Variants in SPTLC3 observed in about 807,000 individuals in gnomAD.
SPTLC3 encodes serine palmitoyltransferase long chain base subunit 3.
SPTLC3 carries 36 observed loss-of-function variants against 59.3 expected under a neutral mutation model. The ratio of observed to expected loss-of-function variants is 0.61; its 90% CI spans 0.47 to 0.80. The LOEUF is 0.80. SPTLC3 is among the 30% of genes least tolerant of loss of function. SPTLC3 has a pLI of 0.00. For missense variants in SPTLC3, 625 were observed against 685.1 expected (o/e 0.91, Z 0.98); for synonymous variants, 257 against 240.8 (o/e 1.07, Z -0.62).
At chr20:13,099,147 C>T (rs541941651) in intron 6 of SPTLC3, among the ~76,000 whole-genome samples, 3 of 152,138 alleles carry the variant, frequency 2.0e-5, no homozygotes, top group Admixed American at 6.5e-5. Context: ...AGGTCTAGTG[C>T]AATCATAGGG....
chr20:13,069,220 A>G (rs1988347475), intron 2 of SPTLC3, among the ~76,000 whole-genome samples: 2 of 152,164 alleles, frequency 1.3e-5, no homozygotes, highest in Admixed American at 1.3e-4. Flanking sequence ...GAAGCTAGGT[A>G]TGACCGAAAT....
At chr20:13,159,973 T>G in intron 10 of SPTLC3, 30 bp from the exon 11 acceptor site, 1 of 1,514,816 alleles carries the variant, frequency 6.6e-7, no homozygotes, top group Non-Finnish European at 8.9e-7. Flanking sequence ...CTAACCACTT[T>G]TTTTTTTTCT....
At chr20:13,128,595 AC>A (rs1418061305) in intron 9 of SPTLC3, among the ~76,000 whole-genome samples, 3 of 152,292 alleles carry the variant, frequency 2.0e-5, no homozygotes, top group African/African-American at 7.2e-5. Context: ...ATATGGCCAC[AC>A]CCCTGAAAAG....
At chr20:13,164,435 A>G in intron 11 of SPTLC3, 1 of 492,492 alleles carries the variant, frequency 2.0e-6, no homozygotes, top group Non-Finnish European at 4.1e-6. Context: ...ACTACATATA[A>G]GTCACTACAT....
At chr20:13,056,534 C>T (rs1442091295) in intron 2 of SPTLC3, among the ~76,000 whole-genome samples, 1 of 151,416 alleles carries the variant, frequency 6.6e-6, no homozygotes, top group Admixed American at 6.6e-5. Flanking sequence ...TGCAAACCTC[C>T]ACCACCTGGG....
chr20:13,132,801 C>T (rs941643770), intron 9 of SPTLC3: 2 of 152,218 alleles, frequency 1.3e-5, no homozygotes, highest in African/African-American at 4.8e-5. Context: ...CCTAAAAAGA[C>T]TTTCCTTGCC....
intron 4 of SPTLC3, among the ~76,000 whole-genome samples, chr20:13,082,805 T>A (rs1048844823): frequency 1.3e-5 from 2 of 152,174 alleles, no homozygotes; most frequent in Non-Finnish European, 2.9e-5. Flanking sequence ...ACTAAAAAAC[T>A]CTCACTAGAG....
chr20:13,164,291 G>T, intron 11 of SPTLC3: 1 of 467,214 alleles, frequency 2.1e-6, no homozygotes, highest in South Asian at 1.6e-5. Context: ...GAGGCCTGGG[G>T]TAGCATGAGA....
chr20:13,126,752 C>A (rs749052077), intron 9 of SPTLC3, 35 bp downstream of exon 9: 6 of 1,610,632 alleles, frequency 3.7e-6, no homozygotes, highest in Non-Finnish European at 3.4e-6. Flanking sequence ...GCTCCTGGAC[C>A]TCTCTGTCTC....
rs143345418 is a variant in SPTLC3, at chr20:13,047,931, C to G, written c.118-1014C>G. Among the ~76,000 whole-genome samples, 696 of 152,150 alleles carry G rather than the reference C, an allele frequency of 4.6e-3. 3 individuals carry two copies. The highest frequency in any genetic ancestry group is 0.015 in the African/African-American group (623 of 41,534). The stretch of plus-strand genomic sequence containing the variant: ...AACTACAGCTATTATAATGCTTTGC[C>G]CCTTAATACTTCAGCATGCATCACA... On this transcript the variant is annotated intron_variant, in intron 1 of 11. Transcript: ENST00000399002.
chr20:13,056,903 G>T (rs6041823), intron 2 of SPTLC3, among the ~76,000 whole-genome samples: 1 of 151,868 alleles, frequency 6.6e-6, no homozygotes, highest in Non-Finnish European at 1.5e-5. Context: ...CACCATGCCT[G>T]GCTAATTTTT....
At chr20:13,090,524 TG>T in intron 4 of SPTLC3, among the ~76,000 whole-genome samples, 1 of 152,296 alleles carries the variant, frequency 6.6e-6, no homozygotes, top group Non-Finnish European at 1.5e-5. Flanking sequence ...AGAAGAATTG[TG>T]GGGTTTTTTT....
intron 6 of SPTLC3, among the ~76,000 whole-genome samples, chr20:13,094,820 G>A (rs1989356687): frequency 6.6e-6 from 1 of 152,186 alleles, no homozygotes; most frequent in Non-Finnish European, 1.5e-5. Context: ...CAGTTAGAGT[G>A]CAGTTCAGGA....
chr20:13,061,776 C>A (rs116901113), intron 2 of SPTLC3, among the ~76,000 whole-genome samples: 4,113 of 152,194 alleles, frequency 0.027, 78 homozygotes, highest in Non-Finnish European at 0.045. Context: ...TTGTCCAAAC[C>A]ACCATCTCCT....
chr20:13,121,104 T>C (rs914651679), intron 8 of SPTLC3, among the ~76,000 whole-genome samples: 6 of 152,198 alleles, frequency 3.9e-5, no homozygotes, highest in African/African-American at 1.4e-4. Context: ...GGAAATGTGG[T>C]CAATGCCGAA....
Position 13,067,058 on chromosome 20 carries a change from T to TTCTAC in SPTLC3, c.304-5198_304-5197insTCTAC, listed in dbSNP as rs1174205651. ...TGTCACTTCTACATATATATATATA[T>TTCTAC]ATATATATATATATATATATATATA... On this transcript the variant is annotated intron_variant, in intron 2 of 11. Transcript: ENST00000399002. Among the ~76,000 whole-genome samples, 27 of 3,382 alleles carry TTCTAC rather than the reference T, an allele frequency of 8.0e-3. 8 individuals are homozygous for TTCTAC. In the African/African-American group the frequency reaches 0.083, roughly 10 times the overall value. 2.2% of individuals were successfully genotyped at this position (3,382 alleles called of 152,430 possible).
intron 11 of SPTLC3, among the ~76,000 whole-genome samples, chr20:13,162,113 T>C (rs1034629847): frequency 1.3e-5 from 2 of 152,210 alleles, no homozygotes; most frequent in African/African-American, 2.4e-5. Context: ...GGCAAAACTT[T>C]CAAGAAGTCT....
intron 9 of SPTLC3, among the ~76,000 whole-genome samples, chr20:13,150,955 A>G (rs570968047): frequency 1.3e-3 from 196 of 152,260 alleles, no homozygotes; most frequent in African/African-American, 4.4e-3. Flanking sequence ...AGCTCTCATA[A>G]CACCAGATAA....
intron 3 of SPTLC3, chr20:13,074,060 CT>C: frequency 1.5e-6 from 1 of 646,406 alleles, no homozygotes. Context: ...AGTTGGAGGC[CT>C]GCTGTGGGCT....
Sources: allele counts gnomAD v4.1 joint callset (sites outside exome capture counted in the v4.1 genomes callset), GRCh38; gene constraint gnomAD v4.1.1; transcripts MANE v1.5; gene names NCBI Gene and HGNC (gene_info 2026-07-23, HGNC 2026-07-21).